Variants in TAF4 observed in about 807,000 individuals in gnomAD.
TAF4 encodes transcription initiation factor TFIID subunit 4.
Under a neutral mutation model 90.3 loss-of-function variants are expected in TAF4, and 9 were observed. The ratio of observed to expected loss-of-function variants is 0.10; its 90% CI spans 0.06 to 0.17. The LOEUF is 0.17. Ranked by LOEUF, TAF4 falls within the 10% of genes least tolerant of loss-of-function variation. The probability of loss-of-function intolerance (pLI) is 1.00; values close to 1 mark genes in which losing one functional copy is unlikely to be tolerated. For missense variants in TAF4, 1,351 were observed against 1,370.7 expected, an observed-to-expected ratio of 0.99 and a Z score of 0.23; for synonymous variants, 818 against 638.9, an observed-to-expected ratio of 1.28 and a Z score of -4.23.
chr20:62,041,542 T>C (rs1369157793), intron 1 of TAF4, among the ~76,000 whole-genome samples: 2 of 151,964 alleles, frequency 1.3e-5, no homozygotes, highest in Non-Finnish European at 2.9e-5. Flanking sequence ...GACAGGAGAA[T>C]TGCTTGAACC....
chr20:62,051,006 C>T (rs2056024043), intron 1 of TAF4, among the ~76,000 whole-genome samples: 1 of 152,196 alleles, frequency 6.6e-6, no homozygotes, highest in Non-Finnish European at 1.5e-5. Context: ...TTTCACCCCT[C>T]ACAGGGGAAG....
At chr20:61,991,535 G>C (rs1197847837) in intron 14 of TAF4, among the ~76,000 whole-genome samples, 2 of 151,852 alleles carry the variant, frequency 1.3e-5, no homozygotes, top group African/African-American at 4.8e-5. Context: ...GGAGGTCGAG[G>C]CTGCAGTGAG....
intron 1 of TAF4, among the ~76,000 whole-genome samples, chr20:62,043,678 C>T (rs371201358): frequency 6.6e-6 from 1 of 152,202 alleles, no homozygotes; most frequent in Non-Finnish European, 1.5e-5. Context: ...GATACACAAA[C>T]TCACTATCGT....
At chr20:62,019,342 G>A (rs1225919973) in intron 1 of TAF4, among the ~76,000 whole-genome samples, 2 of 152,196 alleles carry the variant, frequency 1.3e-5, no homozygotes, top group African/African-American at 2.4e-5. Flanking sequence ...CCCGCTCCCC[G>A]GGCGCACTTC....
Position 62,065,191 on chromosome 20 carries a change from G to C in TAF4, c.620C>G (p.Ser207Trp). The C allele has an allele frequency of 8.3e-7, 1 of 1,202,154 alleles. No homozygotes were observed. Among genetic ancestry groups the C allele is most frequent in the Non-Finnish European group, 1.1e-6 (1 of 944,374 alleles). The allele number at this position is 1,202,154 out of a possible 1,614,324, so 74.5% of individuals were successfully genotyped here. ...GACAGCAGGTGCGGCGGCGTGGTGC[G>C]AGTTCAGCAGCGCGGCGCTCCCATT... ...TLNGSAALLN[S>W]HHAAAPAVSL... The change falls in exon 1 of 15, where the codon TCG becomes TGG. Residue 207 changes from serine (S) to tryptophan (W), a missense_variant. Ser to Trp is a radical substitution (Grantham distance 177). Around this residue, in one of 9 missense-constraint regions of TAF4, gnomAD observed 782 missense variants for 536.6 expected, o/e 1.46. Coordinates refer to ENST00000252996, the MANE Select transcript of TAF4 (RefSeq NM_003185.4).
At chr20:62,002,710 G>A (rs544913195) in intron 9 of TAF4, among the ~76,000 whole-genome samples, 1 of 152,202 alleles carries the variant, frequency 6.6e-6, no homozygotes, top group Non-Finnish European at 1.5e-5. Context: ...GTGCAGGCTG[G>A]TCTCAAACTC....
chr20:61,999,484 G>A (rs1180829482), intron 11 of TAF4, among the ~76,000 whole-genome samples: 3 of 152,258 alleles, frequency 2.0e-5, no homozygotes, highest in African/African-American at 7.2e-5. Context: ...CCCGGCTGTG[G>A]CAGCAGGCAC....
intron 1 of TAF4, among the ~76,000 whole-genome samples, chr20:62,030,675 T>G (rs532786286): frequency 6.6e-6 from 1 of 152,352 alleles, no homozygotes; most frequent in Admixed American, 6.5e-5. Context: ...TTAACATGCT[T>G]AGAGTAATAA....
At chr20:62,044,332 T>C (rs1825339004) in intron 1 of TAF4, among the ~76,000 whole-genome samples, 1 of 152,184 alleles carries the variant, frequency 6.6e-6, no homozygotes, top group African/African-American at 2.4e-5. Flanking sequence ...ACATTAGTTA[T>C]AATAGGAGAA....
intron 1 of TAF4, among the ~76,000 whole-genome samples, chr20:62,033,123 C>T (rs780922285): frequency 6.6e-6 from 1 of 152,140 alleles, no homozygotes; most frequent in Non-Finnish European, 1.5e-5. Flanking sequence ...GGGCAGAGGG[C>T]CACCCACAGG....
At position 62,055,640 on chromosome 20, in the gene TAF4, G is replaced by A. The variant is rs184602066; in HGVS notation, c.1360+8811C>T. 5.5e-4 allele frequency among the ~76,000 whole-genome samples: 83 copies of A among 152,274 alleles called. 1 individual carries two copies. The highest frequency in any genetic ancestry group is 6.8e-3 in the Middle Eastern group (2 of 294). Reference sequence around the variant, plus strand: ...CAGAGGGCAGCCCTACAATCTACACGGGGGACCCCTGCATCTACTCTTTCC... The same window carrying A: ...CAGAGGGCAGCCCTACAATCTACACAGGGGACCCCTGCATCTACTCTTTCC... On this transcript the variant is annotated intron_variant, in intron 1 of 14. Coordinates refer to ENST00000252996, the MANE Select transcript of TAF4 (RefSeq NM_003185.4).
chr20:62,022,863 C>T (rs556107920), intron 1 of TAF4, among the ~76,000 whole-genome samples: 44 of 92,432 alleles, frequency 4.8e-4, no homozygotes, highest in Admixed American at 2.9e-3. Flanking sequence ...CACTTGCAGC[C>T]CCCCCCCCGC....
intron 11 of TAF4, among the ~76,000 whole-genome samples, chr20:61,999,764 C>T (rs1397013986): frequency 1.3e-5 from 2 of 152,252 alleles, no homozygotes; most frequent in South Asian, 2.1e-4. Flanking sequence ...TGGGCTACAT[C>T]GCGAGTCCCT....
chr20:62,029,362 C>T (rs6142926), intron 1 of TAF4, among the ~76,000 whole-genome samples: 17,130 of 152,106 alleles, frequency 0.11, 1,307 homozygotes, highest in East Asian at 0.44. Context: ...CACTTGGGGG[C>T]GGTGGGCAAG....
chr20:61,975,661 A>C lies in TAF4; in HGVS notation c.*507T>G. 3.0e-5 allele frequency: 1 copy of C among 33,028 alleles called. No homozygotes were observed. Among genetic ancestry groups the C allele is most frequent in the Non-Finnish European group, 5.6e-5 (1 of 17,738 alleles). The allele number at this position is 33,028 out of a possible 1,614,324, so 2.0% of individuals were successfully genotyped here. On this transcript the variant is annotated 3_prime_UTR_variant, in exon 15 of 15. Transcript: ENST00000252996. Reference sequence around the variant, plus strand: ...AGTGGAGGGGAAGGGAGGGGAGGGGAGGGCAGGGGGCAGAGAGGAGAGCGG... The same window carrying C: ...AGTGGAGGGGAAGGGAGGGGAGGGGCGGGCAGGGGGCAGAGAGGAGAGCGG...
chr20:62,023,131 T>C (rs2055853235), intron 1 of TAF4, among the ~76,000 whole-genome samples: 1 of 151,870 alleles, frequency 6.6e-6, no homozygotes, highest in Non-Finnish European at 1.5e-5. Context: ...AAGTCTTAGA[T>C]TAACCAACAC....
intron 1 of TAF4, among the ~76,000 whole-genome samples, chr20:62,018,602 G>A (rs994013040): frequency 5.9e-5 from 9 of 152,158 alleles, no homozygotes; most frequent in South Asian, 4.1e-4. Context: ...AGGCCAGGGC[G>A]GAGGGTTCTG....
intron 1 of TAF4, among the ~76,000 whole-genome samples, chr20:62,030,606 C>T (rs942252377): frequency 6.6e-6 from 1 of 152,200 alleles, no homozygotes; most frequent in Non-Finnish European, 1.5e-5. Flanking sequence ...CTGGACAGTG[C>T]TGGGAAGGGT....
At position 62,003,717 on chromosome 20, in the gene TAF4, C is replaced by G; in HGVS notation, c.2371+14G>C. ...CCTTGGTGTTGAGCGGCCAGGGGCC[C>G]GCGAGGCCCTCACCTGGCTGCAGTG... On this transcript the variant is annotated intron_variant, in intron 8 of 14. Coordinates refer to ENST00000252996, the MANE Select transcript of TAF4 (RefSeq NM_003185.4). 6.4e-7 allele frequency: 1 copy of G among 1,570,638 alleles called. No homozygotes were observed. Among genetic ancestry groups the G allele is most frequent in the Non-Finnish European group, 8.6e-7 (1 of 1,163,854 alleles).
Sources: gnomAD v4.1 joint callset for allele counts (sites outside exome capture counted in the v4.1 genomes callset) on GRCh38, gnomAD v4.1.1 for gene constraint, gnomAD v4.1.1 regional missense constraint, MANE v1.5 for transcripts, NCBI Gene and HGNC (gene_info 2026-07-23, HGNC 2026-07-21) for gene names.